The following ANKS1B variants were observed in gnomAD, a reference collection of about 807,000 sequenced individuals.
The protein encoded by ANKS1B is ankyrin repeat and sterile alpha motif domain containing 1B.
A neutral mutation model predicts 148.3 loss-of-function variants in ANKS1B; 36 were observed. The ratio of observed to expected loss-of-function variants is 0.24; its 90% CI spans 0.19 to 0.32. The LOEUF (loss-of-function observed/expected upper bound fraction) is 0.32. Among genes scored for constraint, ANKS1B ranks in the 10% least tolerant of loss-of-function variants. The pLI is 1.00. For synonymous variants in ANKS1B, 542 were observed against 560.8 expected (o/e 0.97, Z 0.47); for missense variants, 1,157 against 1,542.6 (o/e 0.75, Z 4.19).
chr12:98,848,218 G>A (rs2099493968), intron 17 of ANKS1B, among the ~76,000 whole-genome samples: 1 of 152,142 alleles, frequency 6.6e-6, no homozygotes. Flanking sequence ...GAACTCATTA[G>A]CAACATATGT....
chr12:99,463,663 T>C (rs1268867247), intron 10 of ANKS1B, among the ~76,000 whole-genome samples: 2 of 152,208 alleles, frequency 1.3e-5, no homozygotes, highest in African/African-American at 4.8e-5. Flanking sequence ...CGGAGGGTCC[T>C]ACGCCCACGG....
At chr12:98,881,855 G>A (rs2152516393) in intron 17 of ANKS1B, among the ~76,000 whole-genome samples, 1 of 152,178 alleles carries the variant, frequency 6.6e-6, no homozygotes, top group South Asian at 2.1e-4. Flanking sequence ...AGATTTACCA[G>A]TGTAAGTGAC....
rs557464863 is a variant in ANKS1B, at chr12:99,262,262, C to T, written c.1757-15398G>A. 1.5e-3 allele frequency among the ~76,000 whole-genome samples: 223 copies of T among 152,080 alleles called. 2 individuals carry two copies. The highest frequency in any genetic ancestry group is 5.1e-3 in the African/African-American group (212 of 41,522). ...TATAAAAAAATATATATTTTACTTACTTATGCTATCTTAGGAGGAGAGACA... is the reference window on the plus strand; with the variant it reads ...TATAAAAAAATATATATTTTACTTATTTATGCTATCTTAGGAGGAGAGACA... On this transcript the variant is annotated intron_variant, in intron 12 of 26. Coordinates refer to ENST00000683438, the MANE Select transcript of ANKS1B (RefSeq NM_001352186.2).
At chr12:99,848,674 T>C (rs1325797895) in intron 1 of ANKS1B, among the ~76,000 whole-genome samples, 1 of 152,032 alleles carries the variant, frequency 6.6e-6, no homozygotes, top group Non-Finnish European at 1.5e-5. Context: ...TCTCAACCCA[T>C]ACCCTGAGCC....
At chr12:98,836,861 T>C (rs1172365917) in intron 17 of ANKS1B, among the ~76,000 whole-genome samples, 4 of 152,178 alleles carry the variant, frequency 2.6e-5, no homozygotes, top group Non-Finnish European at 5.9e-5. Context: ...CAAAAAACAA[T>C]ACTGAATTTC....
At chr12:99,637,484 C>T (rs1421432769) in intron 9 of ANKS1B, among the ~76,000 whole-genome samples, 1 of 151,998 alleles carries the variant, frequency 6.6e-6, no homozygotes, top group Non-Finnish European at 1.5e-5. Context: ...AGGGTGTTGC[C>T]AAAGGAGATT....
rs575558688 is a variant in ANKS1B, at chr12:99,610,873, C to T, written c.1272+44194G>A. ...AAGAATATTTATGAGTATGCCTTTT[C>T]TTCACAGCTTAACTAAAGGTCTGTT... On this transcript the variant is annotated intron_variant, in intron 9 of 26. Transcript: ENST00000683438. Among the ~76,000 whole-genome samples the T allele has an allele frequency of 3.9e-3, 589 of 152,146 alleles. 3 individuals are homozygous for T. The highest frequency in any genetic ancestry group is 6.8e-3 in the Non-Finnish European group (460 of 67,994).
intron 1 of ANKS1B, among the ~76,000 whole-genome samples, chr12:99,942,699 T>C (rs1603475591): frequency 1.3e-5 from 2 of 152,106 alleles, no homozygotes; most frequent in African/African-American, 4.8e-5. Flanking sequence ...AAGTATTTAT[T>C]GAATGCCCAC....
intron 1 of ANKS1B, among the ~76,000 whole-genome samples, chr12:99,879,446 T>C (rs1186553376): frequency 6.6e-6 from 1 of 152,182 alleles, no homozygotes; most frequent in Non-Finnish European, 1.5e-5. Context: ...CTAGTAGGGA[T>C]GACTGAAAAA....
chr12:99,191,984 T>C (rs987505009), intron 14 of ANKS1B, among the ~76,000 whole-genome samples: 2 of 151,694 alleles, frequency 1.3e-5, no homozygotes, highest in African/African-American at 4.8e-5. Context: ...ATACAAAAAT[T>C]AGCTGGGCGT....
downstream of ANKS1B, among the ~76,000 whole-genome samples, chr12:98,739,346 T>G (rs542239881): frequency 6.6e-6 from 1 of 152,340 alleles, no homozygotes; most frequent in African/African-American, 2.4e-5. Flanking sequence ...CTGCTTAACT[T>G]GTATCTGTGC....
chr12:99,353,534 C>G (rs571581623), intron 12 of ANKS1B, among the ~76,000 whole-genome samples: 15 of 152,160 alleles, frequency 9.9e-5, no homozygotes, highest in African/African-American at 3.6e-4. Flanking sequence ...TTCATCTTCT[C>G]TCCCAGAATT....
At chr12:99,123,450 A>G (rs1304943328) in intron 15 of ANKS1B, among the ~76,000 whole-genome samples, 1 of 152,188 alleles carries the variant, frequency 6.6e-6, no homozygotes, top group Admixed American at 6.5e-5. Context: ...CTAAAGGGAC[A>G]GAACTAAGTG....
intron 1 of ANKS1B, among the ~76,000 whole-genome samples, chr12:99,904,680 A>T (rs988051484): frequency 6.6e-6 from 1 of 152,200 alleles, no homozygotes; most frequent in Non-Finnish European, 1.5e-5. Flanking sequence ...ACCATAATGG[A>T]GCATCTGCAA....
chr12:99,404,337 A>G (rs1023851898), intron 11 of ANKS1B, among the ~76,000 whole-genome samples: 1 of 146,366 alleles, frequency 6.8e-6, no homozygotes, highest in Non-Finnish European at 1.5e-5. Flanking sequence ...TACATAAAAA[A>G]TTTAAAAAAA....
chr12:99,736,095 T>C (rs1196298219), intron 8 of ANKS1B, among the ~76,000 whole-genome samples: 1 of 151,902 alleles, frequency 6.6e-6, no homozygotes, highest in East Asian at 1.9e-4. Flanking sequence ...CAAGCTAGCA[T>C]AGAAGGTAGA....
At chr12:99,965,310 A>G (rs1006187980) in intron 1 of ANKS1B, among the ~76,000 whole-genome samples, 1 of 152,218 alleles carries the variant, frequency 6.6e-6, no homozygotes, top group Non-Finnish European at 1.5e-5. Context: ...GTCTGAGATA[A>G]TTTAAGCATC....
At chr12:98,989,927 G>C (rs1048043018) in intron 17 of ANKS1B, among the ~76,000 whole-genome samples, 1 of 141,990 alleles carries the variant, frequency 7.0e-6, no homozygotes, top group Non-Finnish European at 1.5e-5. Context: ...GAAAGAAAGA[G>C]AAAGAAAGAG....
At chr12:99,165,287 G>A (rs1417056935) in intron 14 of ANKS1B, among the ~76,000 whole-genome samples, 1 of 151,564 alleles carries the variant, frequency 6.6e-6, no homozygotes, top group Non-Finnish European at 1.5e-5. Flanking sequence ...AGATCAGAGG[G>A]GAAATAAATG....
Sources: gnomAD v4.1 joint callset for allele counts (sites outside exome capture counted in the v4.1 genomes callset) on GRCh38, gnomAD v4.1.1 for gene constraint, MANE v1.5 for transcripts, NCBI Gene and HGNC (gene_info 2026-07-23, HGNC 2026-07-21) for gene names.